PLCE1: variants seen among roughly 807,000 people sequenced by gnomAD.
PLCE1 encodes the protein 1-phosphatidylinositol 4,5-bisphosphate phosphodiesterase epsilon-1.
PLCE1 carries 119 observed loss-of-function variants against 242.8 expected under a neutral mutation model. The observed-to-expected ratio is 0.49, with a 90% CI of 0.42 to 0.57. PLCE1 has a LOEUF of 0.57. Ranked by LOEUF, PLCE1 falls within the 20% of genes least tolerant of loss-of-function variation. The pLI, the probability that PLCE1 is intolerant of heterozygous loss-of-function variation, is 0.00. For synonymous variants in PLCE1, 945 were observed against 1,017.4 expected, an observed-to-expected ratio of 0.93 and a Z score of 1.35; for missense variants, 2,441 against 2,788.8, an observed-to-expected ratio of 0.88 and a Z score of 2.81.
At chr10:94,160,135 G>A (rs1008187561) in intron 3 of PLCE1, among the ~76,000 whole-genome samples, 5 of 152,196 alleles carry the variant, frequency 3.3e-5, no homozygotes, top group African/African-American at 1.2e-4. Context: ...TATATACCCA[G>A]GAATGGGATG....
chr10:94,125,086 G>C (rs1590075295), intron 2 of PLCE1, among the ~76,000 whole-genome samples: 1 of 152,164 alleles, frequency 6.6e-6, no homozygotes, highest in African/African-American at 2.4e-5. Flanking sequence ...ACATAGAATT[G>C]AGAAATTCAC....
intron 1 of PLCE1, among the ~76,000 whole-genome samples, chr10:94,002,413 G>A (rs1025324593): frequency 2.6e-5 from 4 of 152,156 alleles, no homozygotes; most frequent in African/African-American, 9.7e-5. Flanking sequence ...ATTAGTCATA[G>A]AAGTTAAGAG....
chr10:94,265,733 C>T, intron 15 of PLCE1, 25 bp downstream of exon 15: 1 of 1,613,090 alleles, frequency 6.2e-7, no homozygotes. Flanking sequence ...ATCTTTTGCC[C>T]ATCTTTTAAG....
In PLCE1 at chr10:94,246,014, A is replaced by G. The variant is rs1322398478; in HGVS notation, c.2489A>G (p.His830Arg). ...IFEQSKEYDS[H>R]GSEDSQKAFD... is the part of the protein sequence containing the mutation. ...GAGCAATCCAAAGAATACGACTCTC[A>G]TGGTTCAGAGGACTCACAGAAGGCC... The change falls in exon 8 of 33, where the codon CAT becomes CGT. Residue 830 changes from histidine to arginine, a missense_variant. This residue lies in a region of PLCE1 where 733 missense variants were observed against 754.2 expected (regional missense o/e 0.97). Coordinates refer to ENST00000371380, the MANE Select transcript of PLCE1 (RefSeq NM_016341.4). 7 of 1,613,940 alleles carry G rather than the reference A, an allele frequency of 4.3e-6. No homozygotes were observed. The highest frequency in any genetic ancestry group is 3.3e-4 in the Middle Eastern group (2 of 6,084).
intron 3 of PLCE1, among the ~76,000 whole-genome samples, chr10:94,166,638 A>T (rs2047814997): frequency 6.7e-6 from 1 of 150,006 alleles, no homozygotes; most frequent in Non-Finnish European, 1.5e-5. Context: ...TCTGCAAAGG[A>T]TCCCTCAAAA....
chr10:94,007,044 G>A (rs1446644231), intron 1 of PLCE1, among the ~76,000 whole-genome samples: 1 of 152,152 alleles, frequency 6.6e-6, no homozygotes, highest in South Asian at 2.1e-4. Flanking sequence ...TTGGATATTT[G>A]GGGGTGGGTG....
intron 3 of PLCE1, among the ~76,000 whole-genome samples, chr10:94,169,838 T>C (rs750918708): frequency 1.5e-4 from 23 of 152,232 alleles, no homozygotes; most frequent in Admixed American, 2.6e-4. Context: ...GCACTGGGGA[T>C]TGGGACATGC....
chr10:94,014,730 A>G (rs1468599154), intron 1 of PLCE1, among the ~76,000 whole-genome samples: 9 of 152,200 alleles, frequency 5.9e-5, no homozygotes, highest in South Asian at 2.1e-4. Context: ...GGATCCTCTT[A>G]TGCTCAATGT....
intron 2 of PLCE1, among the ~76,000 whole-genome samples, chr10:94,085,619 C>A (rs1451806893): frequency 6.6e-6 from 1 of 152,180 alleles, no homozygotes; most frequent in Non-Finnish European, 1.5e-5. Flanking sequence ...GAAACATTCC[C>A]CAGCGGTTGC....
intron 4 of PLCE1, among the ~76,000 whole-genome samples, chr10:94,208,484 A>G (rs1193507202): frequency 6.6e-6 from 1 of 152,218 alleles, no homozygotes; most frequent in Non-Finnish European, 1.5e-5. Flanking sequence ...TGGTCCCCCG[A>G]CCAGCACATC....
chr10:94,268,857 A>G (rs2051607223), intron 16 of PLCE1, 72 bp from the exon 17 acceptor site: 6 of 833,346 alleles, frequency 7.2e-6, no homozygotes, highest in Non-Finnish European at 1.1e-5. Flanking sequence ...ATGTAGAACT[A>G]CATGCTGGGT....
rs1024092602 is a variant in PLCE1 at position 94,329,346 on chromosome 10, T to C, written c.*1403T>C. 7 of 152,248 alleles carry C rather than the reference T, an allele frequency of 4.6e-5. No individual in the cohort carries two copies. The highest frequency in any genetic ancestry group is 1.7e-4 in the African/African-American group (7 of 41,464). The allele number at this position is 152,248 out of a possible 1,614,324, so 9.4% of individuals were successfully genotyped here. On this transcript the variant is annotated 3_prime_UTR_variant, in exon 33 of 33. Coordinates refer to ENST00000371380, the MANE Select transcript of PLCE1 (RefSeq NM_016341.4). The stretch of plus-strand genomic sequence containing the variant: ...AACTTTTATCTTTCCATTGGTATCT[T>C]TGAATTTTAAGACACTTTTCTTCAA...
chr10:94,006,675 C>T (rs186967491), intron 1 of PLCE1, among the ~76,000 whole-genome samples: 51 of 152,292 alleles, frequency 3.3e-4, no homozygotes, highest in African/African-American at 1.2e-3. Flanking sequence ...AACAGATCTG[C>T]GGTCAGAACC....
intron 14 of PLCE1, among the ~76,000 whole-genome samples, chr10:94,263,699 A>C (rs2051399338): frequency 6.6e-6 from 1 of 152,040 alleles, no homozygotes; most frequent in African/African-American, 2.4e-5. Flanking sequence ...GTCTCAAAAA[A>C]ACAAACAAAA....
rs1368979572 is a variant in PLCE1, at chr10:94,332,242, C to G, written c.*4299C>G. The G allele has an allele frequency of 3.3e-5, 5 of 152,180 alleles. No individual in the cohort carries two copies. Among genetic ancestry groups the G allele is most frequent in the Admixed American group, 1.3e-4 (2 of 15,276 alleles). 9.4% of individuals were successfully genotyped at this position (152,180 alleles called of 1,614,324 possible). ...CTGTCACCAAACAGATCTCTGAAAC[C>G]TTCCCTATTGCAGATGACATAGGTC... is the stretch of plus-strand genomic sequence containing the variant. On this transcript the variant is annotated 3_prime_UTR_variant, in exon 33 of 33. Transcript: ENST00000371380.
intron 2 of PLCE1, among the ~76,000 whole-genome samples, chr10:94,118,854 C>T (rs926855900): frequency 6.6e-6 from 1 of 152,110 alleles, no homozygotes; most frequent in African/African-American, 2.4e-5. Flanking sequence ...ATTGAAAGTC[C>T]CTGACTCATC....
intron 8 of PLCE1, 27 bp downstream of exon 8, chr10:94,246,648 C>T: frequency 6.2e-7 from 1 of 1,600,404 alleles, no homozygotes; most frequent in Non-Finnish European, 8.5e-7. Context: ...TCCCTCTTTC[C>T]TCACTGGCAT....
chr10:94,071,341 T>C (rs1030632249), intron 2 of PLCE1, among the ~76,000 whole-genome samples: 3 of 152,082 alleles, frequency 2.0e-5, no homozygotes, highest in African/African-American at 7.2e-5. Context: ...AGGAGTTCAT[T>C]ACCTCACTTC....
intron 4 of PLCE1, among the ~76,000 whole-genome samples, chr10:94,223,119 G>T (rs1589374995): frequency 6.6e-6 from 1 of 151,674 alleles, no homozygotes; most frequent in African/African-American, 2.4e-5. Flanking sequence ...AAAATGCCAG[G>T]CCGTGTGTGG....
Sources: gnomAD v4.1 joint callset for allele counts (sites outside exome capture counted in the v4.1 genomes callset) on GRCh38, gnomAD v4.1.1 for gene constraint, gnomAD v4.1.1 regional missense constraint, MANE v1.5 for transcripts, NCBI Gene and HGNC (gene_info 2026-07-23, HGNC 2026-07-21) for gene names.